The following SLX4IP variants were observed in gnomAD, a reference collection of about 807,000 sequenced individuals.
SLX4IP encodes SLX4 interacting protein.
A neutral mutation model predicts 32.9 loss-of-function variants in SLX4IP; 34 were observed. The ratio of observed to expected loss-of-function variants is 1.03; its 90% CI spans 0.79 to 1.38. The LOEUF is 1.38. SLX4IP is among the 40% of genes most tolerant of loss of function. The probability of loss-of-function intolerance (pLI) is 0.00; values close to 1 mark genes in which losing one functional copy is unlikely to be tolerated. For synonymous variants in SLX4IP, 172 were observed against 171.7 expected (o/e 1.00, Z -0.01); for missense variants, 444 against 479.0 (o/e 0.93, Z 0.68).
At chr20:10,483,055 C>T (rs543575510) in intron 2 of SLX4IP, among the ~76,000 whole-genome samples, 35 of 152,210 alleles carry the variant, frequency 2.3e-4, no homozygotes, top group African/African-American at 7.7e-4. Context: ...TATAGTGATA[C>T]GTTATCTATG....
At position 10,621,304 on chromosome 20, in the gene SLX4IP, T is replaced by TC; in HGVS notation, c.406-10_406-9insC. ...ATTTCTGGTTGAACCTTTGTTATCT[T>TC]TTGGAGTAGACAGAAAGAGTTCTCC... On this transcript the variant is annotated splice_polypyrimidine_tract_variant and intron_variant, in intron 6 of 7. Transcript: ENST00000334534. The TC allele has an allele frequency of 6.2e-7, 1 of 1,613,160 alleles. No individual in the cohort carries two copies. The highest frequency in any genetic ancestry group is 8.5e-7 in the Non-Finnish European group (1 of 1,179,106).
intron 2 of SLX4IP, among the ~76,000 whole-genome samples, chr20:10,511,811 C>T (rs2065810042): frequency 6.6e-6 from 1 of 152,188 alleles, no homozygotes; most frequent in Admixed American, 6.5e-5. Flanking sequence ...TGGTTTTCTT[C>T]TTCTCTAGTA....
chr20:10,469,168 C>CA (rs1352934065), intron 2 of SLX4IP, among the ~76,000 whole-genome samples: 2 of 152,210 alleles, frequency 1.3e-5, no homozygotes, highest in African/African-American at 4.8e-5. Flanking sequence ...CAGTACCCCC[C>CA]ACTTTCCTTG....
intron 4 of SLX4IP, among the ~76,000 whole-genome samples, chr20:10,580,949 T>A (rs2066579214): frequency 1.3e-5 from 2 of 152,134 alleles, no homozygotes; most frequent in Non-Finnish European, 2.9e-5. Context: ...TAGAAATGAT[T>A]GACAATAATT....
chr20:10,483,151 G>T (rs563354739), intron 2 of SLX4IP, among the ~76,000 whole-genome samples: 1 of 141,562 alleles, frequency 7.1e-6, no homozygotes, highest in South Asian at 2.3e-4. Flanking sequence ...AGACAGTCTC[G>T]CTCTGTTGCC....
At chr20:10,449,245 A>G (rs927233207) in intron 1 of SLX4IP, among the ~76,000 whole-genome samples, 8 of 152,224 alleles carry the variant, frequency 5.3e-5, no homozygotes, top group African/African-American at 1.4e-4. Flanking sequence ...GGTAGAATTC[A>G]TTTATTTATA....
intron 3 of SLX4IP, among the ~76,000 whole-genome samples, chr20:10,557,281 A>C (rs2066276939): frequency 6.6e-6 from 1 of 152,138 alleles, no homozygotes; most frequent in Non-Finnish European, 1.5e-5. Flanking sequence ...CCCACCCCCC[A>C]AAAAAGATTT....
intron 3 of SLX4IP, 61 bp downstream of exon 3, chr20:10,556,381 G>C: frequency 6.8e-7 from 1 of 1,464,562 alleles, no homozygotes; most frequent in Non-Finnish European, 9.4e-7. Flanking sequence ...AGAAATATCA[G>C]CTCTTTCCAG....
At chr20:10,461,751 T>C (rs1414138140) in intron 2 of SLX4IP, among the ~76,000 whole-genome samples, 1 of 152,222 alleles carries the variant, frequency 6.6e-6, no homozygotes, top group Non-Finnish European at 1.5e-5. Flanking sequence ...TGCCTTTCCC[T>C]GTTTTTCTTT....
chr20:10,486,890 A>G (rs1367815564), intron 2 of SLX4IP, among the ~76,000 whole-genome samples: 2 of 151,742 alleles, frequency 1.3e-5, no homozygotes, highest in Non-Finnish European at 2.9e-5. Context: ...GTTAGAAGAA[A>G]GTAATGCCTG....
At chr20:10,504,779 C>T (rs529750572) in intron 2 of SLX4IP, among the ~76,000 whole-genome samples, 10 of 152,012 alleles carry the variant, frequency 6.6e-5, no homozygotes, top group East Asian at 1.9e-4. Context: ...GGGAAGAGTA[C>T]GCAACACACA....
intron 4 of SLX4IP, among the ~76,000 whole-genome samples, chr20:10,581,331 A>G (rs943432870): frequency 2.6e-5 from 4 of 152,190 alleles, no homozygotes; most frequent in African/African-American, 7.2e-5. Context: ...GTGGCTTCAT[A>G]CAGAACCTTA....
intron 1 of SLX4IP, among the ~76,000 whole-genome samples, chr20:10,457,141 G>T (rs6077806): frequency 0.49 from 74,798 of 151,884 alleles, 19,905 homozygotes; most frequent in Non-Finnish European, 0.6. Flanking sequence ...CTATATATGA[G>T]AACATATTGT....
chr20:10,458,267 A>G (rs1345789188), intron 2 of SLX4IP, 36 bp downstream of exon 2: 1 of 1,534,522 alleles, frequency 6.5e-7, no homozygotes. Flanking sequence ...AAAAGAGGCT[A>G]ATCACTTTCT....
intron 2 of SLX4IP, among the ~76,000 whole-genome samples, chr20:10,466,446 T>G (rs1039692658): frequency 2.0e-5 from 3 of 152,206 alleles, no homozygotes; most frequent in Non-Finnish European, 2.9e-5. Context: ...GCTGCTTCCC[T>G]TCCCCCCCAA....
intron 2 of SLX4IP, among the ~76,000 whole-genome samples, chr20:10,469,163 C>T (rs777727896): frequency 7.9e-5 from 12 of 152,190 alleles, no homozygotes; most frequent in Non-Finnish European, 1.2e-4. Context: ...GTGCCCAGTA[C>T]CCCCCACTTT....
chr20:10,608,007 A>G (rs2066923551), intron 6 of SLX4IP, among the ~76,000 whole-genome samples: 1 of 152,208 alleles, frequency 6.6e-6, no homozygotes, highest in East Asian at 1.9e-4. Flanking sequence ...GGTTAAATGA[A>G]TGAGGATCAT....
intron 2 of SLX4IP, among the ~76,000 whole-genome samples, chr20:10,521,360 G>A (rs575475991): frequency 7.6e-4 from 116 of 152,216 alleles, no homozygotes; most frequent in African/African-American, 2.6e-3. Flanking sequence ...CATGACTGCT[G>A]TCTTCCTGAG....
At chr20:10,491,569 T>TC (rs2065624392) in intron 2 of SLX4IP, among the ~76,000 whole-genome samples, 1 of 152,204 alleles carries the variant, frequency 6.6e-6, no homozygotes, top group Non-Finnish European at 1.5e-5. Context: ...TTATCACTTT[T>TC]CCCCAAAGCA....
Sources: gnomAD v4.1 joint callset for allele counts (sites outside exome capture counted in the v4.1 genomes callset) on GRCh38, gnomAD v4.1.1 for gene constraint, MANE v1.5 for transcripts, NCBI Gene and HGNC (gene_info 2026-07-23, HGNC 2026-07-21) for gene names.